The following SGCA variants were observed in gnomAD, a reference collection of about 807,000 sequenced individuals.
SGCA encodes the protein alpha-sarcoglycan.
A neutral mutation model predicts 38.1 loss-of-function variants in SGCA; 34 were observed. The ratio of observed to expected loss-of-function variants is 0.89; its 90% CI spans 0.68 to 1.19. SGCA has a LOEUF of 1.19. Among genes scored for constraint, SGCA ranks in the 50% most tolerant of loss-of-function variants. The probability of loss-of-function intolerance (pLI) is 0.00; values close to 1 mark genes in which losing one functional copy is unlikely to be tolerated. For synonymous variants in SGCA, 209 were observed against 214.6 expected (o/e 0.97, Z 0.23); for missense variants, 476 against 524.9 (o/e 0.91, Z 0.91).
chr17:50,175,557 A>G, intron 9 of SGCA, 108 bp downstream of exon 9: 1 of 1,035,216 alleles, frequency 9.7e-7, no homozygotes, highest in South Asian at 1.3e-5. Context: ...AGAGGCACAT[A>G]GACTTGTCTG....
chr17:50,166,383 T>C (rs1005656003), intron 1 of SGCA, among the ~76,000 whole-genome samples: 1 of 152,072 alleles, frequency 6.6e-6, no homozygotes, highest in Non-Finnish European at 1.5e-5. Flanking sequence ...CCGCAGCTTC[T>C]AAGCCCAGGC....
intron 8 of SGCA, chr17:50,172,260 G>C (rs28625650): frequency 0.029 from 13,361 of 456,998 alleles, 353 homozygotes; most frequent in African/African-American, 0.1. Flanking sequence ...GGGTTGGTGA[G>C]GTTATCTCTG....
In SGCA at chr17:50,167,389, A is replaced by G; in HGVS notation, c.59A>G (p.Asp20Gly). 6.2e-7 allele frequency: 1 copy of G among 1,613,856 alleles called. No individual in the cohort carries two copies. The highest frequency in any genetic ancestry group is 8.5e-7 in the Non-Finnish European group (1 of 1,179,936). ...LLVVLLAGLG[D>G]TEAQQTTLHP... ...ACAGTTCTCCTGGCAGGGCTGGGGG[A>G]CACCGAGGCCCAGCAGACCACGCTA... Residue 20 changes from aspartate to glycine, a missense_variant, in exon 2 of 10, where the codon GAC becomes GGC. Coordinates refer to ENST00000262018, the MANE Select transcript of SGCA (RefSeq NM_000023.4). This position sits in a 1 kb window ranked among gnomAD's most constrained non-coding sequence, Gnocchi z 4.5.
rs398123099 is a variant in SGCA, at chr17:50,169,223, A to G, written c.716A>G (p.His239Arg). 13 of 1,613,578 alleles carry G rather than the reference A, an allele frequency of 8.1e-6. No individual in the cohort carries two copies. The highest frequency in any genetic ancestry group is 1.3e-5 in the African/African-American group (1 of 74,816). The change falls in exon 6 of 10, where the codon CAC becomes CGC. Residue 239 changes from histidine to arginine, a missense_variant. By Grantham distance (29) the His-to-Arg change is conservative. Coordinates refer to ENST00000262018, the MANE Select transcript of SGCA (RefSeq NM_000023.4). ...TCTTGCTACGACACCTTGGCACCCCACTTCCGCGTTGACTGGTGCAATGTG... is the reference window on the plus strand; with the variant it reads ...TCTTGCTACGACACCTTGGCACCCCGCTTCCGCGTTGACTGGTGCAATGTG... Reference protein sequence around the residue: ...LLSCYDTLAPHFRVDWCNVTL... With the variant: ...LLSCYDTLAPRFRVDWCNVTL...
intron 9 of SGCA, 47 bp downstream of exon 9, chr17:50,175,496 C>T (rs1905869173): frequency 5.2e-6 from 8 of 1,531,094 alleles, no homozygotes; most frequent in Admixed American, 1.7e-5. Context: ...AACAAGATGG[C>T]CTTTATCACA....
At chr17:50,174,443 G>A (rs1336790732) in intron 8 of SGCA, among the ~76,000 whole-genome samples, 1 of 151,862 alleles carries the variant, frequency 6.6e-6, no homozygotes. Flanking sequence ...ATCACGTGGT[G>A]GGCACTGTTG....
chr17:50,173,854 G>C (rs921942095), intron 8 of SGCA, among the ~76,000 whole-genome samples: 2 of 152,196 alleles, frequency 1.3e-5, no homozygotes, highest in Non-Finnish European at 2.9e-5. Flanking sequence ...CCCATTCAGC[G>C]TGAAGCTAGG....
Position 50,169,231 on chromosome 17 carries a change from G to A in SGCA, c.724G>A (p.Val242Ile), listed in dbSNP as rs200166783. The change falls in exon 6 of 10, where the codon GTT (valine) becomes ATT (isoleucine). Residue 242 changes from valine (V) to isoleucine (I), a missense_variant. Val to Ile is a conservative substitution (Grantham distance 29). Coordinates refer to ENST00000262018, the MANE Select transcript of SGCA (RefSeq NM_000023.4). ...CGACACCTTGGCACCCCACTTCCGC[G>A]TTGACTGGTGCAATGTGACCCTGGT... ...CYDTLAPHFR[V>I]DWCNVTLVDK... 3.5e-5 allele frequency: 56 copies of A among 1,613,698 alleles called. No individual in the cohort carries two copies. The highest frequency in any genetic ancestry group is 4.4e-5 in the Non-Finnish European group (52 of 1,179,874).
In SGCA at chr17:50,168,536, G is replaced by A. The variant is rs773107290; in HGVS notation, c.548G>A (p.Gly183Asp). Residue 183 changes from glycine to aspartate, a missense_variant, in exon 5 of 10, where the codon GGC becomes GAC. Transcript: ENST00000262018. ...LNVTSALDRG[G>D]RVPLPIEGRK... ...GTCACCTCTGCCTTGGACCGTGGGGGCCGTGTCCCCCTTCCCATTGAGGGC... is the reference window on the plus strand; with the variant it reads ...GTCACCTCTGCCTTGGACCGTGGGGACCGTGTCCCCCTTCCCATTGAGGGC... The A allele has an allele frequency of 3.7e-5, 58 of 1,575,268 alleles. 1 individual carries two copies. The South Asian group carries it at 6.5e-4, about 18-fold the overall frequency.
chr17:50,169,545 G>A, intron 6 of SGCA: 2 of 483,978 alleles, frequency 4.1e-6, no homozygotes, highest in Non-Finnish European at 7.4e-6. Flanking sequence ...CAGGTCAACA[G>A]CTATATCACA....
At chr17:50,174,075 T>C (rs1905715276) in intron 8 of SGCA, among the ~76,000 whole-genome samples, 1 of 152,124 alleles carries the variant, frequency 6.6e-6, no homozygotes, top group African/African-American at 2.4e-5. Flanking sequence ...TCCCAGCACT[T>C]TGGGAGGCAG....
chr17:50,175,319 C>T lies in SGCA; in HGVS notation c.1046C>T (p.Ala349Val). Residue 349 changes from alanine to valine, a missense_variant, in exon 9 of 10, where the codon GCC (alanine) becomes GTC (valine). Physicochemically the swap from Ala to Val is moderately conservative, Grantham distance 64. Transcript: ENST00000262018. ...GNTEELRQMA[A>V]SREVPRPLST... ...ACAGAGGAGCTGCGGCAGATGGCGG[C>T]CAGCCGCGAGGTGCCCCGGCCACTC... 1 of 1,609,124 alleles carries T rather than the reference C, an allele frequency of 6.2e-7. No homozygotes were observed. The highest frequency in any genetic ancestry group is 8.5e-7 in the Non-Finnish European group (1 of 1,178,654).
At position 50,170,211 on chromosome 17, in the gene SGCA, CCCGTTCT is replaced by C. The variant is rs1905258810; in HGVS notation, c.817_823del (p.Pro273SerfsTer46). On this transcript the variant is annotated frameshift_variant, in exon 7 of 10. Transcript: ENST00000262018. LOFTEE classifies it high-confidence loss of function. The stretch of plus-strand genomic sequence containing the variant: ...CAGGTGATGGGATCCTGGAGCATGA[CCCGTTCT>C]TCTGCCCACCCACTGAGGCCCCAGA... 6.2e-7 allele frequency: 1 copy of C among 1,614,034 alleles called. No homozygotes were observed. Among genetic ancestry groups the C allele is most frequent in the African/African-American group, 1.3e-5 (1 of 74,906 alleles).
At chr17:50,166,301 G>T (rs375504165) in intron 1 of SGCA, among the ~76,000 whole-genome samples, 2 of 152,242 alleles carry the variant, frequency 1.3e-5, no homozygotes, top group East Asian at 1.9e-4. Context: ...AGGGCTGGAG[G>T]TGTCCTAGGG....
rs2144492222 is a variant in SGCA, at chr17:50,167,044, CT to C, written c.38-323del. ...TCACACACACACCCCCCCACATCCCCTCACACACACACACACCCTCACACAC... is the reference window on the plus strand; with the variant it reads ...TCACACACACACCCCCCCACATCCCCCACACACACACACACCCTCACACAC... On this transcript the variant is annotated intron_variant, in intron 1 of 9. Transcript: ENST00000262018. The surrounding 1 kb of genome is among the most constrained non-coding windows in gnomAD (Gnocchi z 4.5). Among the ~76,000 whole-genome samples, 1 of 151,106 alleles carries C rather than the reference CT, an allele frequency of 6.6e-6. No individual in the cohort carries two copies. The highest frequency in any genetic ancestry group is 2.1e-4 in the South Asian group (1 of 4,776).
At chr17:50,169,962 T>G (rs1416517491) in intron 6 of SGCA, 181 bp from the exon 7 acceptor site, 5 of 660,636 alleles carry the variant, frequency 7.6e-6, no homozygotes, top group Non-Finnish European at 1.4e-5. Context: ...AGCTAAGCAC[T>G]TGTCTGAGTC....
In SGCA at chr17:50,170,303, T is replaced by C; in HGVS notation, c.908T>C (p.Leu303Pro). Residue 303 changes from leucine to proline, a missense_variant, in exon 7 of 10, where the codon CTT (leucine) becomes CCT (proline). Leu to Pro is a moderately conservative substitution (Grantham distance 98, BLOSUM62 -3). Coordinates refer to ENST00000262018, the MANE Select transcript of SGCA (RefSeq NM_000023.4). ...TLLVPLLVALLLTLLLAYVMC... is the reference protein window; with the variant it reads ...TLLVPLLVALPLTLLLAYVMC... ...CTGGTGCCCCTGCTGGTGGCCCTGC[T>C]TCTCACCTTGCTGCTGGCCTATGTC... The C allele has an allele frequency of 6.2e-7, 1 of 1,614,196 alleles. No homozygotes were observed. Among genetic ancestry groups the C allele is most frequent in the Non-Finnish European group, 8.5e-7 (1 of 1,180,030 alleles).
In SGCA at chr17:50,170,184, C is replaced by T; in HGVS notation, c.789C>T (p.Thr263=). The T allele has an allele frequency of 6.2e-7, 1 of 1,614,116 alleles. No individual in the cohort carries two copies. Among genetic ancestry groups the T allele is most frequent in the Non-Finnish European group, 8.5e-7 (1 of 1,180,010 alleles). ...SVPEPADEVP[T]PGDGILEHDP... is the part of the protein sequence containing the mutation. ...CGGAGCCTGCAGATGAGGTGCCCAC[C>T]CCAGGTGATGGGATCCTGGAGCATG... Residue 263 remains threonine, a synonymous_variant, in exon 7 of 10, where the codon ACC becomes ACT. Transcript: ENST00000262018.
chr17:50,169,834 C>T (rs958731020), intron 6 of SGCA: 4 of 493,284 alleles, frequency 8.1e-6, no homozygotes, highest in Non-Finnish European at 1.1e-5. Context: ...TGAGCACTTG[C>T]TATGTGCTTG....
Sources: gnomAD v4.1 joint callset for allele counts (sites outside exome capture counted in the v4.1 genomes callset) on GRCh38, gnomAD v4.1.1 for gene constraint, Gnocchi (gnomAD v3.1) non-coding constraint, MANE v1.5 for transcripts, NCBI Gene and HGNC (gene_info 2026-07-23, HGNC 2026-07-21) for gene names.